NRG2: variants seen among roughly 807,000 people sequenced by gnomAD.
NRG2 encodes neuregulin 2.
NRG2 carries 27 observed loss-of-function variants against 73.9 expected under a neutral mutation model. That is an observed-to-expected ratio of 0.37 (90% CI 0.27 to 0.50). NRG2 has a LOEUF of 0.50. Ranked by LOEUF, NRG2 falls within the 20% of genes least tolerant of loss-of-function variation. The pLI is 0.96. For synonymous variants in NRG2, 532 were observed against 541.0 expected (o/e 0.98, Z 0.23); for missense variants, 1,126 against 1,210.1 (o/e 0.93, Z 1.03).
intron 1 of NRG2, among the ~76,000 whole-genome samples, chr5:139,974,063 T>C (rs1408870069): frequency 2.6e-5 from 4 of 152,146 alleles, no homozygotes; most frequent in African/African-American, 9.7e-5. Flanking sequence ...AAAAATGTTT[T>C]TTAAAAGCAA....
chr5:139,951,059 G>A (rs571619144), intron 1 of NRG2, among the ~76,000 whole-genome samples: 1 of 152,302 alleles, frequency 6.6e-6, no homozygotes, highest in East Asian at 1.9e-4. Context: ...GCAGAGAAGA[G>A]GCAGAACTGG....
At chr5:139,984,784 A>G (rs1757048134) in intron 1 of NRG2, among the ~76,000 whole-genome samples, 1 of 152,262 alleles carries the variant, frequency 6.6e-6, no homozygotes, top group Admixed American at 6.5e-5. Flanking sequence ...TAAGGTCACA[A>G]AGTGATTTAG....
intron 1 of NRG2, among the ~76,000 whole-genome samples, chr5:139,976,214 G>T (rs940848637): frequency 3.9e-5 from 6 of 152,158 alleles, no homozygotes; most frequent in African/African-American, 1.4e-4. Flanking sequence ...GACAAGTCAG[G>T]GTTGTCAGAG....
intron 1 of NRG2, among the ~76,000 whole-genome samples, chr5:139,889,165 C>T (rs954804393): frequency 6.6e-6 from 1 of 152,144 alleles, no homozygotes; most frequent in African/African-American, 2.4e-5. Flanking sequence ...AAGTATCTAT[C>T]AACTTCAGTA....
intron 3 of NRG2, 120 bp from the exon 4 acceptor site, chr5:139,871,961 G>T: frequency 7.3e-7 from 1 of 1,367,040 alleles, no homozygotes; most frequent in East Asian, 2.4e-5. Context: ...GGAATGACTG[G>T]GGAGGGGAGG....
chr5:139,925,735 G>A (rs578215611), intron 1 of NRG2, among the ~76,000 whole-genome samples: 2 of 152,322 alleles, frequency 1.3e-5, no homozygotes, highest in Admixed American at 6.5e-5. Context: ...CAGAGGCCAC[G>A]GGCAGTAGCC....
At chr5:139,882,472 C>G (rs1031139008) in intron 2 of NRG2, among the ~76,000 whole-genome samples, 3 of 152,222 alleles carry the variant, frequency 2.0e-5, no homozygotes, top group Admixed American at 6.5e-5. Context: ...CTTCCTGGCT[C>G]AAGCTGGTCT....
chr5:139,878,852 G>T (rs1445985135), intron 3 of NRG2, among the ~76,000 whole-genome samples: 2 of 152,186 alleles, frequency 1.3e-5, no homozygotes, highest in Admixed American at 1.3e-4. Context: ...TCATGCCCAG[G>T]CTGGGCCATA....
At chr5:139,862,567 A>G (rs549678793) in intron 5 of NRG2, among the ~76,000 whole-genome samples, 14 of 152,370 alleles carry the variant, frequency 9.2e-5, no homozygotes, top group African/African-American at 3.4e-4. Flanking sequence ...TTACCAGACA[A>G]TATGCAAATT....
chr5:139,904,227 G>A lies in NRG2; in HGVS notation c.701-16716C>T, dbSNP rs1765070427. On this transcript the variant is annotated intron_variant, in intron 1 of 9. Transcript: ENST00000361474. The surrounding 1 kb of genome is among the most constrained non-coding windows in gnomAD (Gnocchi z 6.0). ...CCGCTAGCGCAGCCTAGACTCACCCGCGCTGCGCTGGGGGCGGGTGAGCGG... is the reference window on the plus strand; with the variant it reads ...CCGCTAGCGCAGCCTAGACTCACCCACGCTGCGCTGGGGGCGGGTGAGCGG... The A allele has an allele frequency of 2.7e-6, 4 of 1,474,972 alleles. No individual in the cohort carries two copies. In the South Asian group the frequency reaches 5.3e-5, roughly 19 times the overall value. 91.4% of individuals were successfully genotyped at this position (1,474,972 alleles called of 1,614,324 possible).
At chr5:139,910,756 C>A (rs904817321) in intron 1 of NRG2, among the ~76,000 whole-genome samples, 1 of 152,162 alleles carries the variant, frequency 6.6e-6, no homozygotes, top group African/African-American at 2.4e-5. Flanking sequence ...AGCTGGGACT[C>A]TGGTTGTAGG....
intron 1 of NRG2, among the ~76,000 whole-genome samples, chr5:139,938,592 T>G (rs1753024859): frequency 6.6e-6 from 1 of 152,032 alleles, no homozygotes; most frequent in Non-Finnish European, 1.5e-5. Flanking sequence ...CTTGAACTCC[T>G]GAGCCCAAGT....
At chr5:139,897,592 T>A (rs930734933) in intron 1 of NRG2, among the ~76,000 whole-genome samples, 2 of 152,210 alleles carry the variant, frequency 1.3e-5, no homozygotes, top group Non-Finnish European at 2.9e-5. Context: ...CTGGTGTCTG[T>A]CACTGGGTAG....
chr5:139,991,275 C>CA (rs1162301634), intron 1 of NRG2, among the ~76,000 whole-genome samples: 108 of 148,130 alleles, frequency 7.3e-4, no homozygotes, highest in South Asian at 1.5e-3. Context: ...GACTCCATCT[C>CA]AAAAAAAAAC....
chr5:139,863,963 C>A (rs764922423), intron 5 of NRG2, among the ~76,000 whole-genome samples: 1 of 152,148 alleles, frequency 6.6e-6, no homozygotes, highest in Non-Finnish European at 1.5e-5. Flanking sequence ...ATTTCTCCAC[C>A]CTGAGACCTA....
chr5:140,004,828 A>G (rs1758763008), intron 1 of NRG2, among the ~76,000 whole-genome samples: 1 of 152,212 alleles, frequency 6.6e-6, no homozygotes, highest in African/African-American at 2.4e-5. Flanking sequence ...ATAGTATTGT[A>G]CCAGTGTTAA....
Position 139,851,538 on chromosome 5 carries a change from C to A in NRG2, c.1772+66G>T. 6.8e-7 allele frequency: 1 copy of A among 1,481,078 alleles called. No homozygotes were observed. The highest frequency in any genetic ancestry group is 1.2e-5 in the South Asian group (1 of 85,200). 91.7% of individuals were successfully genotyped at this position (1,481,078 alleles called of 1,614,324 possible). ...AGTGTTTCTGAGGGGCCCTAAGGGT[C>A]AGCCTTGGGCCAGTGGTGCCAGCCC... On this transcript the variant is annotated intron_variant, in intron 9 of 9. Transcript: ENST00000361474. The surrounding 1 kb of genome is among the most constrained non-coding windows in gnomAD (Gnocchi z 4.2).
chr5:140,032,122 A>T (rs1481722280), intron 1 of NRG2, among the ~76,000 whole-genome samples: 1 of 152,224 alleles, frequency 6.6e-6, no homozygotes, highest in Non-Finnish European at 1.5e-5. Flanking sequence ...ACTACAGAAA[A>T]GGAACCTGGT....
intron 1 of NRG2, among the ~76,000 whole-genome samples, chr5:139,895,937 G>C (rs760964817): frequency 1.3e-5 from 2 of 152,238 alleles, no homozygotes; most frequent in Non-Finnish European, 2.9e-5. Context: ...GGACTAGGCC[G>C]TCTCTTGCTC....
Sources: gnomAD v4.1 joint callset for allele counts (sites outside exome capture counted in the v4.1 genomes callset) on GRCh38, gnomAD v4.1.1 for gene constraint, Gnocchi (gnomAD v3.1) non-coding constraint, MANE v1.5 for transcripts, NCBI Gene and HGNC (gene_info 2026-07-23, HGNC 2026-07-21) for gene names.